PALLD: variants seen among roughly 807,000 people sequenced by gnomAD.
PALLD encodes the protein palladin.
In PALLD, 61 loss-of-function variants were observed where a neutral mutation model predicts 123.5. The ratio of observed to expected loss-of-function variants is 0.49; its 90% CI spans 0.40 to 0.61. The LOEUF (loss-of-function observed/expected upper bound fraction) is 0.61, where lower values mean the gene tolerates loss of function less well. PALLD is among the 20% of genes least tolerant of loss of function. The pLI is 0.00. For synonymous variants in PALLD, 465 were observed against 496.4 expected, an observed-to-expected ratio of 0.94 and a Z score of 0.84; for missense variants, 1,273 against 1,377.0, an observed-to-expected ratio of 0.92 and a Z score of 1.20.
intron 10 of PALLD, among the ~76,000 whole-genome samples, chr4:168,889,618 C>T (rs1030446204): frequency 9.9e-5 from 15 of 152,154 alleles, no homozygotes; most frequent in Admixed American, 9.2e-4. Flanking sequence ...CCAATTGCAT[C>T]CACTACTCTC....
intron 8 of PALLD, chr4:168,700,650 A>G (rs1398210114): frequency 2.6e-5 from 4 of 152,196 alleles, no homozygotes; most frequent in Admixed American, 2.6e-4. Context: ...ATGAACAAAA[A>G]TTGTTTCTGC....
At chr4:168,525,817 T>C (rs1321242217) in intron 2 of PALLD, among the ~76,000 whole-genome samples, 2 of 152,232 alleles carry the variant, frequency 1.3e-5, no homozygotes, top group Non-Finnish European at 2.9e-5. Flanking sequence ...TAAATCCTAA[T>C]AGGCCAATGC....
rs1403227271 is a variant in PALLD at position 168,927,854 on chromosome 4, T to C, written c.*1674T>C. On this transcript the variant is annotated 3_prime_UTR_variant, in exon 22 of 22. Coordinates refer to ENST00000505667, the MANE Select transcript of PALLD (RefSeq NM_001166108.2). The stretch of plus-strand genomic sequence containing the variant: ...CCTAGTAGTATAAAACATGAGGCTT[T>C]AATGGTACTTTGCTATGAAAAGAAA... The C allele has an allele frequency of 2.4e-5, 5 of 212,192 alleles. No individual in the cohort carries two copies. The East Asian group carries it at 3.6e-4, about 15-fold the overall frequency. 13.1% of individuals were successfully genotyped at this position (212,192 alleles called of 1,614,324 possible).
At chr4:168,673,525 A>G (rs1561379518) in intron 3 of PALLD, among the ~76,000 whole-genome samples, 1 of 152,242 alleles carries the variant, frequency 6.6e-6, no homozygotes, top group Admixed American at 6.5e-5. Context: ...CACAGGGCCT[A>G]TAGTCACCGT....
intron 10 of PALLD, among the ~76,000 whole-genome samples, chr4:168,727,507 T>G (rs989180662): frequency 1.3e-5 from 2 of 152,234 alleles, no homozygotes; most frequent in Admixed American, 1.3e-4. Flanking sequence ...GCTGCTTGTA[T>G]GTTTTCTTTG....
At chr4:168,925,203 A>T (rs1368937983) in intron 20 of PALLD, 30 bp from the exon 21 acceptor site, 1 of 1,528,572 alleles carries the variant, frequency 6.5e-7, no homozygotes, top group Non-Finnish European at 8.8e-7. Context: ...AAAAAAATTC[A>T]TATTGCTCTC....
intron 10 of PALLD, among the ~76,000 whole-genome samples, chr4:168,718,131 CGT>C (rs1394178093): frequency 2.6e-5 from 4 of 152,216 alleles, no homozygotes; most frequent in Admixed American, 6.5e-5. Flanking sequence ...TCAACTCCAA[CGT>C]GTGGCTTTGG....
chr4:168,633,839 C>T (rs1039164774), intron 2 of PALLD, among the ~76,000 whole-genome samples: 5 of 152,194 alleles, frequency 3.3e-5, no homozygotes, highest in African/African-American at 7.2e-5. Context: ...TTTAATCATA[C>T]TTTGCCAATG....
At chr4:168,795,071 G>A (rs1738291354) in intron 10 of PALLD, among the ~76,000 whole-genome samples, 1 of 152,034 alleles carries the variant, frequency 6.6e-6, no homozygotes, top group South Asian at 2.1e-4. Flanking sequence ...GGAGCTCTGG[G>A]GCTAAAACTC....
At chr4:168,681,422 T>A in intron 4 of PALLD, 24 bp downstream of exon 4, 1 of 1,465,990 alleles carries the variant, frequency 6.8e-7, no homozygotes, top group Non-Finnish European at 9.6e-7. Context: ...ATTCCATCGA[T>A]TATGTGGAAA....
At chr4:168,692,236 C>G (rs1249812835) in intron 8 of PALLD, among the ~76,000 whole-genome samples, 3 of 152,168 alleles carry the variant, frequency 2.0e-5, no homozygotes, top group African/African-American at 7.2e-5. Flanking sequence ...CTGAACTTCT[C>G]ACATCTGTGT....
At chr4:168,726,368 A>G (rs1362695752) in intron 10 of PALLD, among the ~76,000 whole-genome samples, 1 of 152,178 alleles carries the variant, frequency 6.6e-6, no homozygotes. Flanking sequence ...CTTATTTTGC[A>G]TTACAATAAT....
Position 168,757,586 on chromosome 4 carries a change from G to A in PALLD, c.1964+45663G>A, listed in dbSNP as rs1339925420. On this transcript the variant is annotated intron_variant, in intron 10 of 21. Transcript: ENST00000505667. ...ATGATTATTTTCTGACAGAAAGAAC[G>A]AAATCTCAGGACAGTTCCATGTCCA... Among the ~76,000 whole-genome samples, 3 of 152,318 alleles carry A rather than the reference G, an allele frequency of 2.0e-5. 1 individual carries two copies. Among genetic ancestry groups the A allele is most frequent in the East Asian group, 1.9e-4 (1 of 5,180 alleles).
At chr4:168,690,508 T>G (rs1782518651) in intron 6 of PALLD, 95 bp from the exon 7 acceptor site, 1 of 1,463,208 alleles carries the variant, frequency 6.8e-7, no homozygotes, top group Admixed American at 1.7e-5. Flanking sequence ...GTATCTGTTT[T>G]GTCTGAGGTT....
In PALLD at chr4:168,685,485, G is replaced by C; in HGVS notation, c.1261G>C (p.Val421Leu). The change falls in exon 6 of 22, where the codon GTT (valine) becomes CTT (leucine). Residue 421 changes from valine to leucine, a missense_variant and splice_region_variant. Around this residue, in one of 2 missense-constraint regions of PALLD, gnomAD observed 944 missense variants for 954.5 expected, o/e 0.99. Coordinates refer to ENST00000505667, the MANE Select transcript of PALLD (RefSeq NM_001166108.2). ...GATCCATATGTCTCTGCTTTTGCAG[G>C]TTCACAGTCCAACTTCATATCTCTG... ...IQPLSVPVQQ[V>L]HSPTSYLCRP... The C allele has an allele frequency of 6.2e-7, 1 of 1,604,538 alleles. No individual in the cohort carries two copies. Among genetic ancestry groups the C allele is most frequent in the Non-Finnish European group, 8.5e-7 (1 of 1,171,434 alleles).
chr4:168,572,853 G>A (rs1209464550), intron 2 of PALLD, among the ~76,000 whole-genome samples: 1 of 150,992 alleles, frequency 6.6e-6, no homozygotes, highest in Non-Finnish European at 1.5e-5. Flanking sequence ...AATGGTCAGA[G>A]TGTTCTTTTT....
intron 2 of PALLD, among the ~76,000 whole-genome samples, chr4:168,514,191 T>C (rs1580067509): frequency 1.3e-5 from 2 of 152,302 alleles, no homozygotes; most frequent in East Asian, 3.9e-4. Context: ...GGCTAAAGAT[T>C]GAATTGAAAC....
chr4:168,619,245 G>A (rs1774517057), intron 2 of PALLD, among the ~76,000 whole-genome samples: 1 of 152,224 alleles, frequency 6.6e-6, no homozygotes, highest in Non-Finnish European at 1.5e-5. Flanking sequence ...CAACTTGGAG[G>A]ATGGATAGGA....
In PALLD at chr4:168,569,472, A is replaced by C. The variant is rs1182464909; in HGVS notation, c.908+57060A>C. Reference sequence around the variant, plus strand: ...ATTACAAAGGGCTGAAGTTTGCTTCAAGAACAACTTAGGTAGGCACTTCAG... The same window carrying C: ...ATTACAAAGGGCTGAAGTTTGCTTCCAGAACAACTTAGGTAGGCACTTCAG... On this transcript the variant is annotated intron_variant, in intron 2 of 21. Coordinates refer to ENST00000505667, the MANE Select transcript of PALLD (RefSeq NM_001166108.2). 2.0e-5 allele frequency among the ~76,000 whole-genome samples: 3 copies of C among 152,138 alleles called. No individual in the cohort carries two copies. In the East Asian group the frequency reaches 5.8e-4, roughly 29 times the overall value.
Sources: gnomAD v4.1 joint callset for allele counts (sites outside exome capture counted in the v4.1 genomes callset) on GRCh38, gnomAD v4.1.1 for gene constraint, gnomAD v4.1.1 regional missense constraint, MANE v1.5 for transcripts, NCBI Gene and HGNC (gene_info 2026-07-23, HGNC 2026-07-21) for gene names.